The following GLIS3 variants were observed in gnomAD, a reference collection of about 807,000 sequenced individuals.
GLIS3 encodes the protein zinc finger protein GLIS3.
A neutral mutation model predicts 78.6 loss-of-function variants in GLIS3; 53 were observed. The observed-to-expected ratio is 0.67, with a 90% CI of 0.54 to 0.85. GLIS3 has a LOEUF of 0.85. Among genes scored for constraint, GLIS3 ranks in the 40% least tolerant of loss-of-function variants. The pLI is 0.00. For synonymous variants in GLIS3, 684 were observed against 509.9 expected (o/e 1.34, Z -4.60); for missense variants, 1,703 against 1,231.1 (o/e 1.38, Z -5.74).
intron 4 of GLIS3, among the ~76,000 whole-genome samples, chr9:3,961,531 T>C (rs1410659901): frequency 8.5e-5 from 13 of 152,226 alleles, no homozygotes; most frequent in Admixed American, 7.2e-4. Context: ...AGTTTCTTGA[T>C]TGTAAATGCA....
intron 4 of GLIS3, among the ~76,000 whole-genome samples, chr9:3,965,236 C>A (rs1162730973): frequency 7.6e-6 from 1 of 131,774 alleles, no homozygotes; most frequent in Non-Finnish European, 1.5e-5. Context: ...GCTCAGTGCC[C>A]AGGCTGGAGT....
At chr9:4,223,660 T>G (rs10119187) in intron 2 of GLIS3, among the ~76,000 whole-genome samples, 1 of 152,076 alleles carries the variant, frequency 6.6e-6, no homozygotes, top group Admixed American at 6.6e-5. Context: ...AGCAAACAAG[T>G]TTGCTAGAAA....
At chr9:4,403,765 G>C in the GLIS3 span, among the ~76,000 whole-genome samples, 3 of 151,740 alleles carry the variant, frequency 2.0e-5, no homozygotes, top group African/African-American at 7.3e-5. Context: ...TACCACCAGA[G>C]AAAATCACCT....
chr9:4,224,248 G>A lies in GLIS3; in HGVS notation c.388+61790C>T, dbSNP rs1226293628. Among the ~76,000 whole-genome samples, 4 of 152,102 alleles carry A rather than the reference G, an allele frequency of 2.6e-5. No homozygotes were observed. The South Asian group carries it at 8.3e-4, about 31-fold the overall frequency. The stretch of plus-strand genomic sequence containing the variant: ...TCTAGAAAGGAAAGTGATTGACCAA[G>A]GTGATCTCAGAGAATATTTCCAGTC... On this transcript the variant is annotated intron_variant, in intron 2 of 10. Coordinates refer to ENST00000381971, the MANE Select transcript of GLIS3 (RefSeq NM_001042413.2).
chr9:4,033,670 T>C (rs184067956), intron 4 of GLIS3, among the ~76,000 whole-genome samples: 2 of 152,214 alleles, frequency 1.3e-5, no homozygotes, highest in East Asian at 3.9e-4. Context: ...TCTAGGTGAT[T>C]CCTATGCACA....
At chr9:4,285,287 A>G (rs536334321) in intron 2 of GLIS3, among the ~76,000 whole-genome samples, 1 of 152,306 alleles carries the variant, frequency 6.6e-6, no homozygotes, top group African/African-American at 2.4e-5. Flanking sequence ...TTCAACATCA[A>G]TTTCTAATGT....
intron 2 of GLIS3, among the ~76,000 whole-genome samples, chr9:4,140,524 T>C (rs1183096032): frequency 6.6e-6 from 1 of 152,066 alleles, no homozygotes; most frequent in Non-Finnish European, 1.5e-5. Context: ...GTAATGAAGA[T>C]TACATTATTT....
chr9:4,096,554 G>C (rs1440125190), intron 4 of GLIS3, among the ~76,000 whole-genome samples: 1 of 152,158 alleles, frequency 6.6e-6, no homozygotes, highest in Non-Finnish European at 1.5e-5. Context: ...GTGGCTGAAG[G>C]ACTAAATTAA....
At chr9:4,371,218 G>A in the GLIS3 span, among the ~76,000 whole-genome samples, 5 of 152,268 alleles carry the variant, frequency 3.3e-5, no homozygotes, top group Middle Eastern at 6.8e-3. Flanking sequence ...AATTTCCATC[G>A]GCTGATTCAG....
chr9:4,458,987 T>C, the GLIS3 span, among the ~76,000 whole-genome samples: 3 of 152,116 alleles, frequency 2.0e-5, no homozygotes, highest in African/African-American at 7.2e-5. Flanking sequence ...CCTTACCACA[T>C]GGATCCAAGA....
At chr9:4,036,815 A>C (rs1480276392) in intron 4 of GLIS3, among the ~76,000 whole-genome samples, 1 of 152,198 alleles carries the variant, frequency 6.6e-6, no homozygotes, top group African/African-American at 2.4e-5. Context: ...AGCCGTTTGG[A>C]GGACTCATTC....
At chr9:4,012,623 T>C (rs1822110085) in intron 4 of GLIS3, among the ~76,000 whole-genome samples, 1 of 152,162 alleles carries the variant, frequency 6.6e-6, no homozygotes. Context: ...CATACATTTT[T>C]GTGAAAACCA....
At chr9:4,001,705 A>G (rs2129920300) in intron 4 of GLIS3, among the ~76,000 whole-genome samples, 1 of 152,350 alleles carries the variant, frequency 6.6e-6, no homozygotes, top group African/African-American at 2.4e-5. Context: ...CATATCTGCC[A>G]TTTATGAATA....
chr9:4,129,986 G>A (rs2130931026), intron 2 of GLIS3, among the ~76,000 whole-genome samples: 1 of 152,324 alleles, frequency 6.6e-6, no homozygotes, highest in East Asian at 1.9e-4. Context: ...TTGGGAACTG[G>A]AGCAAAGGTC....
chr9:3,994,051 C>A (rs1398030163), intron 4 of GLIS3, among the ~76,000 whole-genome samples: 1 of 152,196 alleles, frequency 6.6e-6, no homozygotes, highest in Non-Finnish European at 1.5e-5. Context: ...AGTTTGCTGA[C>A]TGAGAAGGTC....
intron 4 of GLIS3, among the ~76,000 whole-genome samples, chr9:3,998,919 C>T (rs603650): frequency 0.087 from 13,171 of 151,836 alleles, 1,775 homozygotes; most frequent in African/African-American, 0.29. Flanking sequence ...TTATTACCTT[C>T]TGGCTTATCT....
At chr9:3,980,118 TGTTG>T (rs1269165627) in intron 4 of GLIS3, among the ~76,000 whole-genome samples, 2 of 152,206 alleles carry the variant, frequency 1.3e-5, no homozygotes, top group Non-Finnish European at 2.9e-5. Context: ...GACTTCTTCC[TGTTG>T]GTTTCAGAAC....
At chr9:4,326,784 G>A (rs993808457) in intron 2 of GLIS3, among the ~76,000 whole-genome samples, 8 of 152,210 alleles carry the variant, frequency 5.3e-5, no homozygotes, top group Admixed American at 1.3e-4. Flanking sequence ...ACATAGGCTG[G>A]AAGTGCCTGC....
At chr9:4,119,385 T>C (rs1832013004) in intron 3 of GLIS3, among the ~76,000 whole-genome samples, 1 of 152,156 alleles carries the variant, frequency 6.6e-6, no homozygotes, top group Admixed American at 6.5e-5. Context: ...AAGTAAATCC[T>C]CAAAGTCAAA....
Sources: allele counts gnomAD v4.1 joint callset (sites outside exome capture counted in the v4.1 genomes callset), GRCh38; gene constraint gnomAD v4.1.1; transcripts MANE v1.5; gene names NCBI Gene and HGNC (gene_info 2026-07-23, HGNC 2026-07-21).